The following CHRNA5 variants were observed in gnomAD, a reference collection of about 807,000 sequenced individuals.
CHRNA5 encodes cholinergic receptor nicotinic alpha 5 subunit.
A neutral mutation model predicts 41.2 loss-of-function variants in CHRNA5; 28 were observed. That is an observed-to-expected ratio of 0.68 (90% CI 0.50 to 0.93). CHRNA5 has a LOEUF of 0.93. Among genes scored for constraint, CHRNA5 ranks in the 40% least tolerant of loss-of-function variants. The pLI, the probability that CHRNA5 is intolerant of heterozygous loss-of-function variation, is 0.00. For synonymous variants in CHRNA5, 188 were observed against 205.8 expected (o/e 0.91, Z 0.74); for missense variants, 481 against 581.9 (o/e 0.83, Z 1.78).
At position 78,588,549 on chromosome 15, in the gene CHRNA5, G is replaced by A. The variant is rs2052982333; in HGVS notation, c.413+126G>A. On this transcript the variant is annotated intron_variant, in intron 4 of 5. Coordinates refer to ENST00000299565, the Ensembl canonical transcript of CHRNA5. The surrounding 1 kb of genome is among the most constrained non-coding windows in gnomAD (Gnocchi z 4.1). The stretch of plus-strand genomic sequence containing the variant: ...TAAAAATCAAATGACATGACCGCAT[G>A]TGCCTGGGTATGATTACATGTTTTA... 2 of 491,878 alleles carry A rather than the reference G, an allele frequency of 4.1e-6. No individual in the cohort carries two copies. The highest frequency in any genetic ancestry group is 2.0e-5 in the African/African-American group (1 of 50,574). 30.5% of individuals were successfully genotyped at this position (491,878 alleles called of 1,614,324 possible).
At chr15:78,574,372 C>T (rs1186405465) in intron 1 of CHRNA5, among the ~76,000 whole-genome samples, 12 of 112,120 alleles carry the variant, frequency 1.1e-4, no homozygotes, top group African/African-American at 1.5e-4. Flanking sequence ...AGGAGCTAAA[C>T]GCTGTCTCAA....
At chr15:78,581,452 T>G (rs1209166233) in intron 2 of CHRNA5, among the ~76,000 whole-genome samples, 1 of 152,222 alleles carries the variant, frequency 6.6e-6, no homozygotes, top group African/African-American at 2.4e-5. Context: ...TAAATTGTAC[T>G]TATTGTCAAG....
intron 2 of CHRNA5, among the ~76,000 whole-genome samples, chr15:78,581,552 T>C (rs946994494): frequency 6.6e-6 from 1 of 152,208 alleles, no homozygotes; most frequent in Non-Finnish European, 1.5e-5. Flanking sequence ...ATTATTTCCC[T>C]GTTGTGTTCC....
intron 1 of CHRNA5, among the ~76,000 whole-genome samples, chr15:78,572,341 T>G (rs1369740304): frequency 6.6e-6 from 1 of 152,162 alleles, no homozygotes; most frequent in Non-Finnish European, 1.5e-5. Flanking sequence ...AACCAAAAAC[T>G]GAAGACTATA....
Position 78,588,272 on chromosome 15 carries a change from ATTAG to A in CHRNA5, c.304-39_304-36del, listed in dbSNP as rs774209829. The A allele has an allele frequency of 6.6e-6, 7 of 1,060,408 alleles. No individual in the cohort carries two copies. Among genetic ancestry groups the A allele is most frequent in the South Asian group, 3.0e-5 (2 of 66,838 alleles). The allele number at this position is 1,060,408 out of a possible 1,614,324, so 65.7% of individuals were successfully genotyped here. On this transcript the variant is annotated intron_variant, in intron 3 of 5. Coordinates refer to ENST00000299565, the Ensembl canonical transcript of CHRNA5. This position sits in a 1 kb window ranked among gnomAD's most constrained non-coding sequence, Gnocchi z 4.1. ...AGTATGGTATTCACTGTTTTTGACT[ATTAG>A]TTTTATTGAAATTGAGGCAGATTTC...
chr15:78,567,252 C>CAA (rs201126738), intron 1 of CHRNA5, among the ~76,000 whole-genome samples: 21 of 78,736 alleles, frequency 2.7e-4, no homozygotes, highest in African/African-American at 7.7e-4. Flanking sequence ...GACTCCGTCT[C>CAA]AAAAAAAAAA....
intron 2 of CHRNA5, among the ~76,000 whole-genome samples, chr15:78,585,248 T>C (rs1220378857): frequency 6.6e-6 from 1 of 152,130 alleles, no homozygotes; most frequent in East Asian, 1.9e-4. Flanking sequence ...AAATTGCTCT[T>C]TGGAACTGCA....
chr15:78,580,953 G>C, exon 2 of CHRNA5: 1 of 1,612,904 alleles, frequency 6.2e-7, no homozygotes, highest in Middle Eastern at 1.6e-4. Flanking sequence ...TATCTCAATT[G>C]GTGGATGTGG....
chr15:78,575,658 T>C (rs2052849834), intron 1 of CHRNA5, among the ~76,000 whole-genome samples: 1 of 152,216 alleles, frequency 6.6e-6, no homozygotes, highest in East Asian at 1.9e-4. Context: ...TACCATTACT[T>C]TAGCAATCAT....
intron 2 of CHRNA5, among the ~76,000 whole-genome samples, chr15:78,584,714 A>C (rs183093993): frequency 6.6e-6 from 1 of 152,206 alleles, no homozygotes; most frequent in South Asian, 2.1e-4. Flanking sequence ...ACCTATTGCT[A>C]TATACTATCA....
chr15:78,580,073 A>G (rs2052896651), intron 1 of CHRNA5, among the ~76,000 whole-genome samples: 1 of 151,940 alleles, frequency 6.6e-6, no homozygotes, highest in African/African-American at 2.4e-5. Flanking sequence ...GAAGGTCAGA[A>G]GTTCAAGACC....
intron 1 of CHRNA5, among the ~76,000 whole-genome samples, chr15:78,577,908 G>GT (rs1326912705): frequency 2.1e-5 from 3 of 141,450 alleles, no homozygotes; most frequent in African/African-American, 8.0e-5. Context: ...TCCAGACTGA[G>GT]TGACAGAGAC....
At chr15:78,574,995 GA>G (rs1174472820) in intron 1 of CHRNA5, among the ~76,000 whole-genome samples, 3 of 151,296 alleles carry the variant, frequency 2.0e-5, no homozygotes, top group African/African-American at 4.8e-5. Flanking sequence ...AAAAGGAAAG[GA>G]AAAAAATTGT....
chr15:78,590,762 A>C, intron 5 of CHRNA5, 126 bp downstream of exon 5: 3 of 735,460 alleles, frequency 4.1e-6, no homozygotes, highest in Non-Finnish European at 6.5e-6. Flanking sequence ...GAGGGCCAGA[A>C]TTGTTGACAT....
At chr15:78,593,019 G>A (rs1256563561) in intron 5 of CHRNA5, 73 bp from the exon 6 acceptor site, 5 of 1,542,256 alleles carry the variant, frequency 3.2e-6, no homozygotes, top group African/African-American at 1.4e-5. Context: ...TTCTAACTCA[G>A]TGTGTTTGTT....
chr15:78,570,382 C>T (rs2052791037), intron 1 of CHRNA5, among the ~76,000 whole-genome samples: 1 of 147,778 alleles, frequency 6.8e-6, no homozygotes, highest in African/African-American at 2.5e-5. Context: ...CCTCAGCCTC[C>T]CAAGTAGCTG....
chr15:78,572,806 A>G (rs1012531190), intron 1 of CHRNA5, among the ~76,000 whole-genome samples: 23 of 152,192 alleles, frequency 1.5e-4, no homozygotes, highest in African/African-American at 5.5e-4. Flanking sequence ...AATGAAAAAA[A>G]GTTGCAGAAC....
intron 1 of CHRNA5, among the ~76,000 whole-genome samples, chr15:78,573,257 G>C (rs939595712): frequency 6.6e-6 from 1 of 152,176 alleles, no homozygotes; most frequent in Non-Finnish European, 1.5e-5. Context: ...CAAAATGTCC[G>C]TAGTGCCAAG....
At chr15:78,582,602 T>C (rs983524137) in intron 2 of CHRNA5, among the ~76,000 whole-genome samples, 1 of 152,110 alleles carries the variant, frequency 6.6e-6, no homozygotes, top group African/African-American at 2.4e-5. Context: ...TAAATCATGA[T>C]GCCAGAAAGA....
Sources: allele counts gnomAD v4.1 joint callset (sites outside exome capture counted in the v4.1 genomes callset), GRCh38; gene constraint gnomAD v4.1.1; non-coding constraint Gnocchi (gnomAD v3.1); transcripts MANE v1.5; gene names NCBI Gene and HGNC (gene_info 2026-07-23, HGNC 2026-07-21).